Variants in PIK3C2G observed in about 807,000 individuals in gnomAD.
The protein encoded by PIK3C2G is phosphatidylinositol-4-phosphate 3-kinase catalytic subunit type 2 gamma.
In PIK3C2G, 168 loss-of-function variants were observed where a neutral mutation model predicts 181.1. The observed-to-expected ratio is 0.93, with a 90% CI of 0.82 to 1.05. The LOEUF (loss-of-function observed/expected upper bound fraction) is 1.05. Among genes scored for constraint, PIK3C2G ranks in the 50% least tolerant of loss-of-function variants. The pLI, the probability that PIK3C2G is intolerant of heterozygous loss-of-function variation, is 0.00. For synonymous variants in PIK3C2G, 573 were observed against 592.2 expected (o/e 0.97, Z 0.47); for missense variants, 1,869 against 1,732.8 (o/e 1.08, Z -1.40).
intron 3 of PIK3C2G, among the ~76,000 whole-genome samples, chr12:18,289,320 G>T (rs541911255): frequency 6.6e-6 from 1 of 152,300 alleles, no homozygotes; most frequent in African/African-American, 2.4e-5. Context: ...CATAACATAT[G>T]AAAGAAGTTT....
At chr12:18,716,466 A>C in the PIK3C2G span, among the ~76,000 whole-genome samples, 1 of 152,170 alleles carries the variant, frequency 6.6e-6, no homozygotes, top group Non-Finnish European at 1.5e-5. Context: ...ACCCAAGAGA[A>C]AGTTTTACCT....
At chr12:18,248,576 A>AAAC (rs139110088) in intron 1 of PIK3C2G, among the ~76,000 whole-genome samples, 2,293 of 151,392 alleles carry the variant, frequency 0.015, 43 homozygotes, top group African/African-American at 0.045. Context: ...ATCTCAAACA[A>AAAC]AACAACAACA....
At chr12:18,278,309 G>A (rs911813239) in intron 1 of PIK3C2G, among the ~76,000 whole-genome samples, 3 of 152,092 alleles carry the variant, frequency 2.0e-5, no homozygotes, top group Admixed American at 6.6e-5. Flanking sequence ...TATGTTCCTA[G>A]CCATGTGGCC....
At chr12:18,418,761 G>A (rs1228473106) in intron 16 of PIK3C2G, among the ~76,000 whole-genome samples, 1 of 152,084 alleles carries the variant, frequency 6.6e-6, no homozygotes, top group African/African-American at 2.4e-5. Context: ...CTGCGCTTGG[G>A]CTAGGGAACC....
intron 14 of PIK3C2G, among the ~76,000 whole-genome samples, chr12:18,389,696 A>G (rs1402509015): frequency 6.6e-6 from 1 of 152,220 alleles, no homozygotes; most frequent in Non-Finnish European, 1.5e-5. Context: ...AATATTTTCT[A>G]TAGTAACTCA....
intron 16 of PIK3C2G, among the ~76,000 whole-genome samples, chr12:18,403,439 C>A (rs1028321141): frequency 1.3e-5 from 2 of 152,110 alleles, no homozygotes; most frequent in African/African-American, 4.8e-5. Context: ...CAGAAATGAA[C>A]CTTTCAACTC....
intron 18 of PIK3C2G, among the ~76,000 whole-genome samples, chr12:18,480,256 G>A (rs530208290): frequency 6.6e-6 from 1 of 152,086 alleles, no homozygotes; most frequent in Admixed American, 6.6e-5. Context: ...GGGAGGGAGA[G>A]AGGGGTCACT....
the PIK3C2G span, chr12:18,719,729 C>A: frequency 6.5e-6 from 5 of 767,430 alleles, no homozygotes; most frequent in South Asian, 1.1e-4. Flanking sequence ...AGTAGTAGAG[C>A]ATATTTCTAA....
intron 18 of PIK3C2G, among the ~76,000 whole-genome samples, chr12:18,456,453 G>A (rs1402056548): frequency 6.6e-6 from 1 of 152,106 alleles, no homozygotes; most frequent in African/African-American, 2.4e-5. Context: ...TACACAGGGG[G>A]TTTTATAGAT....
downstream of PIK3C2G, among the ~76,000 whole-genome samples, chr12:18,653,231 T>C (rs1219482715): frequency 2.6e-5 from 4 of 152,192 alleles, no homozygotes; most frequent in East Asian, 7.7e-4. Context: ...CCAGAGGAAA[T>C]GGATTATTGA....
the PIK3C2G span, among the ~76,000 whole-genome samples, chr12:18,705,590 G>T: frequency 6.6e-6 from 1 of 152,098 alleles, no homozygotes; most frequent in South Asian, 2.1e-4. Context: ...TACTGGCCAG[G>T]CTCAGTGGCT....
intron 32 of PIK3C2G, among the ~76,000 whole-genome samples, chr12:18,642,477 A>G (rs1591750466): frequency 6.6e-6 from 1 of 152,286 alleles, no homozygotes; most frequent in East Asian, 1.9e-4. Flanking sequence ...TTCAGATCAC[A>G]TCAGACAGCT....
intron 16 of PIK3C2G, among the ~76,000 whole-genome samples, chr12:18,400,090 T>C (rs549995113): frequency 1.3e-5 from 2 of 152,328 alleles, no homozygotes; most frequent in South Asian, 4.1e-4. Flanking sequence ...ATGAGGATTC[T>C]AGTTCTTACA....
At chr12:18,353,997 T>C (rs1329570977) in intron 11 of PIK3C2G, among the ~76,000 whole-genome samples, 1 of 152,208 alleles carries the variant, frequency 6.6e-6, no homozygotes, top group Non-Finnish European at 1.5e-5. Context: ...TACTGCATCT[T>C]TCATTTGGAT....
At chr12:18,594,437 A>T (rs1947245472) in intron 29 of PIK3C2G, 57 bp from the exon 30 acceptor site, 4 of 967,664 alleles carry the variant, frequency 4.1e-6, no homozygotes, top group Non-Finnish European at 4.6e-6. Flanking sequence ...TGTAATAATG[A>T]ATAGCAGTAA....
chr12:18,630,978 G>A (rs976901809), intron 31 of PIK3C2G, among the ~76,000 whole-genome samples: 2 of 151,740 alleles, frequency 1.3e-5, no homozygotes, highest in Non-Finnish European at 2.9e-5. Context: ...CTAAAATGCA[G>A]CCAGAGTTTA....
intron 6 of PIK3C2G, among the ~76,000 whole-genome samples, chr12:18,315,185 G>C (rs1005616022): frequency 3.9e-5 from 6 of 152,026 alleles, no homozygotes; most frequent in African/African-American, 1.4e-4. Flanking sequence ...ATTTCAGGTA[G>C]TACATTAGGT....
At chr12:18,376,633 T>C (rs1565652733) in intron 13 of PIK3C2G, among the ~76,000 whole-genome samples, 2 of 152,256 alleles carry the variant, frequency 1.3e-5, no homozygotes, top group South Asian at 4.1e-4. Flanking sequence ...AGTAATATAG[T>C]TTGGATGTTG....
intron 32 of PIK3C2G, among the ~76,000 whole-genome samples, chr12:18,643,908 T>C (rs1172121264): frequency 6.6e-6 from 1 of 152,196 alleles, no homozygotes; most frequent in Non-Finnish European, 1.5e-5. Context: ...TGGGAGAGGA[T>C]GACCTCACTC....
Sources: gnomAD v4.1 joint callset for allele counts (sites outside exome capture counted in the v4.1 genomes callset) on GRCh38, gnomAD v4.1.1 for gene constraint, MANE v1.5 for transcripts, NCBI Gene and HGNC (gene_info 2026-07-23, HGNC 2026-07-21) for gene names.